The following ESYT2 variants were observed in gnomAD, a reference collection of about 807,000 sequenced individuals.
The protein encoded by ESYT2 is extended synaptotagmin 2, also known as extended synaptotagmin-2.
ESYT2 carries 54 observed loss-of-function variants against 107.2 expected under a neutral mutation model. The observed-to-expected ratio is 0.50, with a 90% CI of 0.40 to 0.63. The LOEUF is 0.63. Among genes scored for constraint, ESYT2 ranks in the 30% least tolerant of loss-of-function variants. The pLI is 0.00. For missense variants in ESYT2, 1,020 were observed against 1,094.5 expected (o/e 0.93, Z 0.96); for synonymous variants, 491 against 434.1 (o/e 1.13, Z -1.63).
intron 4 of ESYT2, 117 bp from the exon 5 acceptor site, chr7:158,788,534 G>A (rs1172087010): frequency 5.6e-6 from 5 of 899,820 alleles, no homozygotes; most frequent in Middle Eastern, 2.8e-4. Flanking sequence ...AAATCAGATT[G>A]TAGGTAAAAA....
At chr7:158,809,948 G>C (rs1477526335) in intron 1 of ESYT2, among the ~76,000 whole-genome samples, 5 of 152,196 alleles carry the variant, frequency 3.3e-5, no homozygotes, top group African/African-American at 1.2e-4. Flanking sequence ...TTCTGGTTCA[G>C]GGACTGCCCA....
At chr7:158,814,415 C>T (rs1446782518) in intron 1 of ESYT2, among the ~76,000 whole-genome samples, 1 of 149,030 alleles carries the variant, frequency 6.7e-6, no homozygotes, top group Non-Finnish European at 1.5e-5. Context: ...ATATGTTACT[C>T]GTCCCGATTA....
At chr7:158,778,465 A>G (rs896807998) in intron 6 of ESYT2, among the ~76,000 whole-genome samples, 4 of 152,176 alleles carry the variant, frequency 2.6e-5, no homozygotes, top group Admixed American at 2.6e-4. Flanking sequence ...ATGTAAAAAA[A>G]AAAAAAAAGA....
intron 6 of ESYT2, among the ~76,000 whole-genome samples, chr7:158,782,867 AGTGTGTGGGAAGGACAAAATGG>A (rs930763100): frequency 1.3e-5 from 2 of 152,146 alleles, no homozygotes; most frequent in African/African-American, 2.4e-5. Flanking sequence ...AGAGAGAACG[AGTGTGTGGGAAGGACAAAATGG>A]GTGTGTGAGA....
intron 1 of ESYT2, among the ~76,000 whole-genome samples, chr7:158,814,287 TTATATATATATATATATATATATATA>T (rs58908927): frequency 1.3e-4 from 9 of 66,908 alleles, no homozygotes; most frequent in East Asian, 9.8e-4. Context: ...AAAAAAAAAA[TTATATATATATATATATATATATATA>T]TATATATATA....
At chr7:158,751,786 T>C (rs1032846784) in intron 14 of ESYT2, among the ~76,000 whole-genome samples, 1 of 152,230 alleles carries the variant, frequency 6.6e-6, no homozygotes, top group African/African-American at 2.4e-5. Context: ...GGTTGCAATT[T>C]AAACACAGTC....
chr7:158,783,197 C>A (rs912118546), intron 6 of ESYT2, among the ~76,000 whole-genome samples: 5 of 152,160 alleles, frequency 3.3e-5, no homozygotes, highest in Non-Finnish European at 7.3e-5. Context: ...ACTCCAAGAT[C>A]GGAAAACAAT....
At position 158,733,536 on chromosome 7, in the gene ESYT2, TCA is replaced by T. The variant is rs1478383123; in HGVS notation, c.*669_*670del. ...CATGACAATTCTCTTAATATATTAC[TCA>T]GTTATAAAACATTTTTCCTTATAAG... On this transcript the variant is annotated 3_prime_UTR_variant, in exon 23 of 23. Coordinates refer to ENST00000275418, the MANE Select transcript of ESYT2 (RefSeq NM_001367773.1). 1 of 152,266 alleles carries T rather than the reference TCA, an allele frequency of 6.6e-6. No individual in the cohort carries two copies. The highest frequency in any genetic ancestry group is 1.5e-5 in the Non-Finnish European group (1 of 68,044). 9.4% of individuals were successfully genotyped at this position (152,266 alleles called of 1,614,324 possible). A position where few individuals can be genotyped will look rare whatever the true frequency, so the allele number is the denominator to read the frequency against.
intron 2 of ESYT2, among the ~76,000 whole-genome samples, chr7:158,798,646 CAAAAAAAAAAAAAA>C (rs57351086): frequency 1.2e-4 from 6 of 49,852 alleles, no homozygotes; most frequent in South Asian, 2.7e-3. Context: ...AGCTCCGTCT[CAAAAAAAAAAAAAA>C]AAAAAAAAAA....
intron 6 of ESYT2, among the ~76,000 whole-genome samples, chr7:158,782,300 G>A (rs967755327): frequency 1.6e-5 from 2 of 127,518 alleles, no homozygotes; most frequent in Non-Finnish European, 3.5e-5. Context: ...TGTGAAACAA[G>A]TGAACAAGTG....
intron 20 of ESYT2, among the ~76,000 whole-genome samples, chr7:158,736,021 T>TA (rs1002564175): frequency 2.6e-5 from 4 of 152,020 alleles, no homozygotes; most frequent in East Asian, 1.9e-4. Context: ...CCATCTCCAA[T>TA]AAAAAAAAGT....
At chr7:158,773,676 T>C (rs842449) in intron 6 of ESYT2, among the ~76,000 whole-genome samples, 125,396 of 152,208 alleles carry the variant, frequency 0.82, 52,273 homozygotes, top group Non-Finnish European at 0.89. Flanking sequence ...TTGACAACTT[T>C]TCTTTATTGT....
intron 1 of ESYT2, among the ~76,000 whole-genome samples, chr7:158,803,539 T>C (rs1839706141): frequency 6.6e-6 from 1 of 152,298 alleles, no homozygotes; most frequent in South Asian, 2.1e-4. Context: ...TCTGGAGAAA[T>C]ACTAAAAACG....
chr7:158,765,818 T>A (rs914634153), intron 8 of ESYT2, among the ~76,000 whole-genome samples: 1 of 151,988 alleles, frequency 6.6e-6, no homozygotes, highest in East Asian at 1.9e-4. Context: ...AAAAAAAAAA[T>A]TCACTCTTAT....
chr7:158,747,279 G>A (rs1837437119), intron 16 of ESYT2, among the ~76,000 whole-genome samples: 1 of 151,900 alleles, frequency 6.6e-6, no homozygotes, highest in African/African-American at 2.4e-5. Context: ...CCCAGGAGGT[G>A]GAGGCTGCAG....
chr7:158,769,144 C>G (rs985606158), intron 7 of ESYT2, among the ~76,000 whole-genome samples: 2 of 152,218 alleles, frequency 1.3e-5, no homozygotes, highest in African/African-American at 4.8e-5. Flanking sequence ...CACTGCAAGA[C>G]AGTATCCACG....
intron 8 of ESYT2, 45 bp downstream of exon 8, chr7:158,767,609 C>A (rs781417422): frequency 1.3e-6 from 2 of 1,590,756 alleles, no homozygotes; most frequent in Non-Finnish European, 1.7e-6. Context: ...GCAGGCAGGT[C>A]TCCAAGATGT....
Position 158,792,764 on chromosome 7 carries a change from G to T in ESYT2, c.584+886C>A, listed in dbSNP as rs866837876. On this transcript the variant is annotated intron_variant, in intron 4 of 22. Transcript: ENST00000275418. ...TTTTAACCACTGAGTATAACGTGGG[G>T]TTTTTTTTTTTTTTTTTTTTTTGAG... is the stretch of plus-strand genomic sequence containing the variant. Among the ~76,000 whole-genome samples, 666 of 117,824 alleles carry T rather than the reference G, an allele frequency of 5.7e-3. 10 individuals are homozygous for T. Among genetic ancestry groups the T allele is most frequent in the African/African-American group, 0.016 (498 of 30,638 alleles). 77.3% of individuals were successfully genotyped at this position (117,824 alleles called of 152,430 possible).
intron 1 of ESYT2, among the ~76,000 whole-genome samples, chr7:158,805,057 A>T (rs1839785901): frequency 6.6e-6 from 1 of 152,232 alleles, no homozygotes; most frequent in African/African-American, 2.4e-5. Flanking sequence ...ACTGTAAGGC[A>T]CGAGGATCTG....
Sources: allele counts gnomAD v4.1 joint callset (sites outside exome capture counted in the v4.1 genomes callset), GRCh38; gene constraint gnomAD v4.1.1; transcripts MANE v1.5; gene names NCBI Gene and HGNC (gene_info 2026-07-23, HGNC 2026-07-21).